Variants in PLEKHA5 observed in about 807,000 individuals in gnomAD.
PLEKHA5 encodes pleckstrin homology domain containing A5.
PLEKHA5 carries 55 observed loss-of-function variants against 181.9 expected under a neutral mutation model. The ratio of observed to expected loss-of-function variants is 0.30; its 90% CI spans 0.24 to 0.38. The LOEUF (loss-of-function observed/expected upper bound fraction) is 0.38. Ranked by LOEUF, PLEKHA5 falls within the 10% of genes least tolerant of loss-of-function variation. The pLI is 1.00. For missense variants in PLEKHA5, 1,432 were observed against 1,549.5 expected (o/e 0.92, Z 1.27); for synonymous variants, 535 against 529.4 (o/e 1.01, Z -0.15).
chr12:19,295,902 C>T (rs991467295), intron 15 of PLEKHA5, among the ~76,000 whole-genome samples: 4 of 152,216 alleles, frequency 2.6e-5, no homozygotes, highest in African/African-American at 9.6e-5. Flanking sequence ...CAGTATCACA[C>T]ACCCTAACCA....
At chr12:19,227,623 A>C (rs971030729) in intron 3 of PLEKHA5, among the ~76,000 whole-genome samples, 2 of 152,204 alleles carry the variant, frequency 1.3e-5, no homozygotes, top group Non-Finnish European at 2.9e-5. Context: ...AAATGAATTA[A>C]TTTCCTAAGG....
intron 3 of PLEKHA5, among the ~76,000 whole-genome samples, chr12:19,252,411 A>G (rs544158940): frequency 1.3e-5 from 2 of 152,316 alleles, no homozygotes; most frequent in East Asian, 1.9e-4. Flanking sequence ...ACTTTATGGT[A>G]TATGACTTAA....
intron 31 of PLEKHA5, among the ~76,000 whole-genome samples, chr12:19,375,048 G>T (rs926516427): frequency 2.2e-4 from 33 of 152,018 alleles, no homozygotes; most frequent in African/African-American, 8.0e-4. Flanking sequence ...GTGGGGCCGG[G>T]TATAGTGGCT....
chr12:19,213,384 T>C (rs2057348831), intron 3 of PLEKHA5, among the ~76,000 whole-genome samples: 1 of 152,034 alleles, frequency 6.6e-6, no homozygotes, highest in African/African-American at 2.4e-5. Context: ...CAAAAGATTA[T>C]AGATGTCTTC....
At chr12:19,287,053 AGTGGTGCTATCTC>A (rs1204515428) in intron 12 of PLEKHA5, among the ~76,000 whole-genome samples, 3 of 151,224 alleles carry the variant, frequency 2.0e-5, no homozygotes, top group African/African-American at 7.3e-5. Context: ...GCTGGAGTGC[AGTGGTGCTATCTC>A]GGCTCACTGC....
At position 19,290,801 on chromosome 12, in the gene PLEKHA5, G is replaced by C. The variant is rs771797439; in HGVS notation, c.1983+5G>C. The C allele has an allele frequency of 1.3e-6, 2 of 1,525,070 alleles. No individual in the cohort carries two copies. The allele number at this position is 1,525,070 out of a possible 1,614,324, so 94.5% of individuals were successfully genotyped here. A position where few individuals can be genotyped will look rare whatever the true frequency, so the allele number is the denominator to read the frequency against. On this transcript the variant is annotated splice_donor_5th_base_variant and intron_variant, in intron 14 of 31. Transcript: ENST00000429027. ...CTTGAGGCCCACAGCCCAAAGGTCAGCTATGGAGAGATTTGTCTGTGTCGT... is the reference window on the plus strand; with the variant it reads ...CTTGAGGCCCACAGCCCAAAGGTCACCTATGGAGAGATTTGTCTGTGTCGT...
intron 3 of PLEKHA5, among the ~76,000 whole-genome samples, chr12:19,210,170 T>C (rs373185767): frequency 2.1e-4 from 32 of 152,344 alleles, no homozygotes; most frequent in African/African-American, 7.7e-4. Flanking sequence ...TTTACGAAAG[T>C]GTTTTAACCT....
chr12:19,179,091 C>T (rs953917939), intron 3 of PLEKHA5, among the ~76,000 whole-genome samples: 5 of 152,090 alleles, frequency 3.3e-5, no homozygotes, highest in Non-Finnish European at 1.5e-5. Flanking sequence ...TGTTTTTATG[C>T]GAGACATTTA....
intron 20 of PLEKHA5, among the ~76,000 whole-genome samples, chr12:19,327,583 C>G (rs931274850): frequency 6.7e-6 from 1 of 150,156 alleles, no homozygotes; most frequent in Admixed American, 6.6e-5. Context: ...TTTACAGAAG[C>G]TCTTTAATTA....
chr12:19,257,659 A>C lies in PLEKHA5; in HGVS notation c.537+122A>C, dbSNP rs2067226312. 9.6e-6 allele frequency: 6 copies of C among 624,394 alleles called. No homozygotes were observed. The East Asian group carries it at 1.8e-4, about 19-fold the overall frequency. The allele number at this position is 624,394 out of a possible 1,614,324, so 38.7% of individuals were successfully genotyped here. A position where few individuals can be genotyped will look rare whatever the true frequency, so the allele number is the denominator to read the frequency against. On this transcript the variant is annotated intron_variant, in intron 6 of 31. Coordinates refer to ENST00000429027, the MANE Select transcript of PLEKHA5 (RefSeq NM_001256470.2). Reference sequence around the variant, plus strand: ...AGAAGGAACTATGGAGAAGCCACCCAGGTTATTTGACTGCTTGTTACCCCT... The same window carrying C: ...AGAAGGAACTATGGAGAAGCCACCCCGGTTATTTGACTGCTTGTTACCCCT...
At chr12:19,134,513 G>A (rs1166148112) in intron 3 of PLEKHA5, among the ~76,000 whole-genome samples, 2 of 152,042 alleles carry the variant, frequency 1.3e-5, no homozygotes, top group Admixed American at 6.6e-5. Flanking sequence ...AATATATGAT[G>A]TACTGAATGT....
At chr12:19,333,174 A>G (rs943502000) in intron 20 of PLEKHA5, among the ~76,000 whole-genome samples, 2 of 151,958 alleles carry the variant, frequency 1.3e-5, no homozygotes, top group African/African-American at 4.8e-5. Context: ...AATCCCAACT[A>G]CTCGGGAGCC....
At chr12:19,269,635 C>T in intron 8 of PLEKHA5, 135 bp from the exon 9 acceptor site, 2 of 505,296 alleles carry the variant, frequency 4.0e-6, no homozygotes, top group South Asian at 3.5e-5. Flanking sequence ...ATTTCCATAT[C>T]TCAGGTAAAA....
chr12:19,263,406 A>G (rs1020151615), intron 7 of PLEKHA5, among the ~76,000 whole-genome samples: 3 of 152,172 alleles, frequency 2.0e-5, no homozygotes, highest in African/African-American at 7.2e-5. Context: ...GTTAGTTTCT[A>G]TTCTCTTAAT....
At position 19,129,894 on chromosome 12, in the gene PLEKHA5, G is replaced by C; in HGVS notation, c.89+6G>C. 1 of 1,599,564 alleles carries C rather than the reference G, an allele frequency of 6.3e-7. No individual in the cohort carries two copies. The highest frequency in any genetic ancestry group is 8.5e-7 in the Non-Finnish European group (1 of 1,173,334). On this transcript the variant is annotated splice_donor_region_variant and intron_variant, in intron 1 of 31. Transcript: ENST00000429027. ...GGCCGAGTCTTCTTCATCAAGTAAA[G>C]AGCCGGGGACGGCACGGGGGCCCGC...
intron 3 of PLEKHA5, among the ~76,000 whole-genome samples, chr12:19,161,277 C>T (rs1460895257): frequency 6.6e-6 from 1 of 152,108 alleles, no homozygotes; most frequent in Non-Finnish European, 1.5e-5. Context: ...CTCACTTGTG[C>T]TCCCAAGTGC....
intron 15 of PLEKHA5, among the ~76,000 whole-genome samples, chr12:19,296,048 G>C (rs549639483): frequency 6.6e-6 from 1 of 150,758 alleles, no homozygotes; most frequent in Non-Finnish European, 1.5e-5. Flanking sequence ...CCTGGCCAAC[G>C]TATAGTGAAA....
intron 3 of PLEKHA5, among the ~76,000 whole-genome samples, chr12:19,244,754 A>G (rs574925977): frequency 6.6e-6 from 1 of 152,376 alleles, no homozygotes; most frequent in African/African-American, 2.4e-5. Context: ...CGCAGTAGAT[A>G]CATTTTCAAC....
chr12:19,366,857 T>TA (rs536649147), intron 30 of PLEKHA5, among the ~76,000 whole-genome samples: 5 of 152,060 alleles, frequency 3.3e-5, no homozygotes, highest in South Asian at 2.1e-4. Context: ...CATGGCATTT[T>TA]AAAAAAAACA....
Sources: allele counts gnomAD v4.1 joint callset (sites outside exome capture counted in the v4.1 genomes callset), GRCh38; gene constraint gnomAD v4.1.1; transcripts MANE v1.5; gene names NCBI Gene and HGNC (gene_info 2026-07-23, HGNC 2026-07-21).